NPHP1: variants seen among roughly 807,000 people sequenced by gnomAD.
NPHP1 encodes nephrocystin 1, also known as nephrocystin-1.
In NPHP1, 70 loss-of-function variants were observed where a neutral mutation model predicts 90.4. The observed-to-expected ratio is 0.77, with a 90% confidence interval of 0.64 to 0.95. NPHP1 has a LOEUF of 0.95. Among genes scored for constraint, NPHP1 ranks in the 40% least tolerant of loss-of-function variants. NPHP1 has a pLI of 0.00. For missense variants in NPHP1, 764 were observed against 795.9 expected, an observed-to-expected ratio of 0.96 and a Z score of 0.48; for synonymous variants, 256 against 271.7, an observed-to-expected ratio of 0.94 and a Z score of 0.57.
chr2:110,199,185 C>T (rs116315087), intron 2 of NPHP1, among the ~76,000 whole-genome samples: 1,791 of 152,158 alleles, frequency 0.012, 34 homozygotes, highest in African/African-American at 0.041. Flanking sequence ...GTAATCCCAG[C>T]ACTTTGGGAG....
chr2:110,201,597 T>C (rs1208800934), intron 1 of NPHP1, 103 bp from the exon 2 acceptor site: 2 of 823,258 alleles, frequency 2.4e-6, no homozygotes, highest in Non-Finnish European at 3.8e-6. Context: ...CTTTTAAACA[T>C]ACAACAAAGT....
intron 6 of NPHP1, among the ~76,000 whole-genome samples, chr2:110,165,977 A>G (rs1013928706): frequency 1.3e-5 from 2 of 152,182 alleles, no homozygotes; most frequent in Non-Finnish European, 2.9e-5. Context: ...AGATATACAA[A>G]TGGTCATAAA....
intron 1 of NPHP1, among the ~76,000 whole-genome samples, chr2:110,204,472 T>C (rs968179449): frequency 3.3e-5 from 5 of 152,114 alleles, no homozygotes; most frequent in African/African-American, 1.2e-4. Flanking sequence ...GCAATAATAA[T>C]CTCCACTTGA....
At chr2:110,158,589 A>G (rs1363184698) in intron 11 of NPHP1, among the ~76,000 whole-genome samples, 2 of 151,950 alleles carry the variant, frequency 1.3e-5, no homozygotes, top group Non-Finnish European at 2.9e-5. Flanking sequence ...TTTGAATGGT[A>G]TATCTTTTCT....
At chr2:110,174,179 A>G (rs1270705497) in intron 4 of NPHP1, among the ~76,000 whole-genome samples, 2 of 152,114 alleles carry the variant, frequency 1.3e-5, no homozygotes, top group Non-Finnish European at 2.9e-5. Context: ...AAAAAATTCA[A>G]TCTGACAATC....
chr2:110,189,032 A>G (rs1684494244), intron 2 of NPHP1, among the ~76,000 whole-genome samples: 1 of 152,150 alleles, frequency 6.6e-6, no homozygotes, highest in Non-Finnish European at 1.5e-5. Flanking sequence ...TAAAACCCAA[A>G]ACTATAAAAA....
At chr2:110,160,896 G>A (rs1331743418) in intron 10 of NPHP1, among the ~76,000 whole-genome samples, 2 of 152,084 alleles carry the variant, frequency 1.3e-5, no homozygotes, top group African/African-American at 4.8e-5. Flanking sequence ...ACTGGGACTG[G>A]TGGCTCACAC....
chr2:110,187,789 C>A (rs972440287), intron 2 of NPHP1, among the ~76,000 whole-genome samples: 8 of 152,120 alleles, frequency 5.3e-5, no homozygotes, highest in Non-Finnish European at 1.0e-4. Flanking sequence ...CAAACCGAAT[C>A]CAGCAGCACA....
At chr2:110,173,811 T>A (rs138121644) in intron 4 of NPHP1, among the ~76,000 whole-genome samples, 1 of 152,296 alleles carries the variant, frequency 6.6e-6, no homozygotes, top group East Asian at 1.9e-4. Context: ...TGACTATACA[T>A]GTAATTAGAT....
At chr2:110,202,883 A>T (rs1279894923) in intron 1 of NPHP1, among the ~76,000 whole-genome samples, 1 of 152,114 alleles carries the variant, frequency 6.6e-6, no homozygotes, top group African/African-American at 2.4e-5. Flanking sequence ...AAACAACGTA[A>T]AACAGAACTA....
Position 110,204,978 on chromosome 2 carries a change from T to A in NPHP1, c.-10A>T, listed in dbSNP as rs1002832940. Reference sequence around the variant, plus strand: ...GTCGTCTCGCCAGCATCTCCCTGGCTGCGGTGCTCTGATTGCTCCAGTTGC... The same window carrying A: ...GTCGTCTCGCCAGCATCTCCCTGGCAGCGGTGCTCTGATTGCTCCAGTTGC... On this transcript the variant is annotated 5_prime_UTR_variant, in exon 1 of 20. Coordinates refer to ENST00000445609, the MANE Select transcript of NPHP1 (RefSeq NM_001128178.3). The A allele has an allele frequency of 6.2e-7, 1 of 1,613,652 alleles. No homozygotes were observed. Among genetic ancestry groups the A allele is most frequent in the Non-Finnish European group, 8.5e-7 (1 of 1,179,820 alleles).
intron 11 of NPHP1, among the ~76,000 whole-genome samples, chr2:110,151,393 T>C (rs1002468028): frequency 3.9e-5 from 6 of 152,076 alleles, no homozygotes; most frequent in African/African-American, 1.4e-4. Flanking sequence ...CACAAAGGGA[T>C]TTATGGAATG....
chr2:110,174,163 G>A (rs1286668766), intron 4 of NPHP1, among the ~76,000 whole-genome samples: 1 of 151,726 alleles, frequency 6.6e-6, no homozygotes, highest in Non-Finnish European at 1.5e-5. Context: ...GTATATATTT[G>A]GGTTAAAAAA....
Position 110,199,318 on chromosome 2 carries a change from C to T in NPHP1, c.143+2103G>A, listed in dbSNP as rs568610070. ...GTGTGATGGCGTGAGCCTGTAATCCCAGCTACTCAGAAGGCTAAGGCAGGA... is the reference window on the plus strand; with the variant it reads ...GTGTGATGGCGTGAGCCTGTAATCCTAGCTACTCAGAAGGCTAAGGCAGGA... On this transcript the variant is annotated intron_variant, in intron 2 of 19. Transcript: ENST00000445609. 1.4e-3 allele frequency among the ~76,000 whole-genome samples: 216 copies of T among 151,890 alleles called. 6 individuals are homozygous for T. The highest frequency in any genetic ancestry group is 0.014 in the Admixed American group (212 of 15,264).
At chr2:110,199,616 C>T (rs1477157152) in intron 2 of NPHP1, among the ~76,000 whole-genome samples, 2 of 151,808 alleles carry the variant, frequency 1.3e-5, no homozygotes, top group Admixed American at 1.3e-4. Flanking sequence ...GAGTGAGACC[C>T]CCCACATCCC....
chr2:110,130,614 T>C (rs1679708182), intron 17 of NPHP1, among the ~76,000 whole-genome samples: 1 of 152,160 alleles, frequency 6.6e-6, no homozygotes, highest in African/African-American at 2.4e-5. Context: ...CCTATGAATG[T>C]TATTTGTCCA....
intron 2 of NPHP1, among the ~76,000 whole-genome samples, chr2:110,190,646 G>T (rs1469279097): frequency 2.0e-5 from 3 of 152,204 alleles, no homozygotes; most frequent in African/African-American, 7.2e-5. Flanking sequence ...CTCCCACAGG[G>T]CAGCGGCAGG....
intron 8 of NPHP1, 194 bp downstream of exon 8, chr2:110,164,494 A>G (rs1236053050): frequency 1.7e-6 from 2 of 1,190,796 alleles, no homozygotes; most frequent in Admixed American, 1.7e-5. Flanking sequence ...GTACAAAAAA[A>G]AAAAAAAACT....
chr2:110,125,805 A>G (rs2104416252), intron 18 of NPHP1, 124 bp from the exon 19 acceptor site: 1 of 800,380 alleles, frequency 1.2e-6, no homozygotes, highest in Admixed American at 1.9e-5. Context: ...ATTCTATACA[A>G]GCAAGAAGTG....
Sources: gnomAD v4.1 joint callset for allele counts (sites outside exome capture counted in the v4.1 genomes callset) on GRCh38, gnomAD v4.1.1 for gene constraint, MANE v1.5 for transcripts, NCBI Gene and HGNC (gene_info 2026-07-23, HGNC 2026-07-21) for gene names.